The following CCSER1 variants were observed in gnomAD, a reference collection of about 807,000 sequenced individuals.
CCSER1 encodes the protein serine-rich coiled-coil domain-containing protein 1.
Under a neutral mutation model 82.0 loss-of-function variants are expected in CCSER1, and 41 were observed. The ratio of observed to expected loss-of-function variants is 0.50; its 90% CI spans 0.39 to 0.65. The LOEUF is 0.65. CCSER1 is among the 30% of genes least tolerant of loss of function. CCSER1 has a pLI of 0.00. For synonymous variants in CCSER1, 414 were observed against 383.9 expected (o/e 1.08, Z -0.92); for missense variants, 1,119 against 1,064.2 (o/e 1.05, Z -0.72).
At chr4:91,259,447 CAT>C (rs148329738) in intron 10 of CCSER1, among the ~76,000 whole-genome samples, 19 of 149,974 alleles carry the variant, frequency 1.3e-4, no homozygotes, top group Admixed American at 2.7e-4. Flanking sequence ...CCTTGGTAGT[CAT>C]ATATATATAT....
rs532346422 is a variant in CCSER1 at position 91,253,163 on chromosome 4, G to A, written c.2217+167169G>A. On this transcript the variant is annotated intron_variant, in intron 10 of 10. Transcript: ENST00000509176. ...CTGTTCCTCTTTCTCCTCCTGCTCA[G>A]CCTACTCAAAAGTGAAGACAATGAG... is the stretch of plus-strand genomic sequence containing the variant. 3.3e-5 allele frequency among the ~76,000 whole-genome samples: 5 copies of A among 152,048 alleles called. No individual in the cohort carries two copies. In the South Asian group the frequency reaches 1.0e-3, roughly 32 times the overall value.
At chr4:91,329,456 G>A (rs978088130) in intron 10 of CCSER1, among the ~76,000 whole-genome samples, 7 of 152,124 alleles carry the variant, frequency 4.6e-5, no homozygotes, top group African/African-American at 1.7e-4. Context: ...TTAAGTATGA[G>A]TTTCCCATAT....
chr4:90,944,081 A>G (rs1422086433), intron 9 of CCSER1, among the ~76,000 whole-genome samples: 1 of 151,670 alleles, frequency 6.6e-6, no homozygotes, highest in African/African-American at 2.4e-5. Context: ...TAAAATACAA[A>G]ACATGAGCTG....
intron 5 of CCSER1, among the ~76,000 whole-genome samples, chr4:90,541,331 A>G (rs1218906105): frequency 6.6e-6 from 1 of 152,092 alleles, no homozygotes; most frequent in Non-Finnish European, 1.5e-5. Flanking sequence ...GATTATAATA[A>G]TAACAGTGTT....
chr4:91,109,182 A>G (rs1035273309), intron 10 of CCSER1, among the ~76,000 whole-genome samples: 1 of 152,154 alleles, frequency 6.6e-6, no homozygotes, highest in African/African-American at 2.4e-5. Flanking sequence ...ACTAGGACTG[A>G]GCCATACTAT....
chr4:90,667,023 G>A (rs1731919901), intron 6 of CCSER1, among the ~76,000 whole-genome samples: 1 of 152,150 alleles, frequency 6.6e-6, no homozygotes, highest in Non-Finnish European at 1.5e-5. Flanking sequence ...AGAAAGTCAA[G>A]TTGTTGAAAA....
At chr4:90,893,003 T>C (rs976110688) in intron 8 of CCSER1, among the ~76,000 whole-genome samples, 1 of 152,136 alleles carries the variant, frequency 6.6e-6, no homozygotes, top group Non-Finnish European at 1.5e-5. Flanking sequence ...GTATATCTTT[T>C]GGACTAAACT....
intron 5 of CCSER1, among the ~76,000 whole-genome samples, chr4:90,483,636 T>C (rs1032539706): frequency 6.6e-6 from 1 of 152,214 alleles, no homozygotes; most frequent in African/African-American, 2.4e-5. Flanking sequence ...TTATGAAGCT[T>C]AGTTTGGCTG....
At chr4:91,353,298 T>C (rs1748601403) in intron 10 of CCSER1, among the ~76,000 whole-genome samples, 1 of 124,192 alleles carries the variant, frequency 8.1e-6, no homozygotes, top group African/African-American at 2.7e-5. Flanking sequence ...TCGTGATTGA[T>C]TTGGGCAAGC....
intron 1 of CCSER1, among the ~76,000 whole-genome samples, chr4:90,220,426 T>TC (rs1410514444): frequency 6.6e-6 from 1 of 152,116 alleles, no homozygotes; most frequent in Non-Finnish European, 1.5e-5. Context: ...TGTGATTTTT[T>TC]CCCCTGCACA....
chr4:90,910,112 GAGAA>G (rs912635690), intron 8 of CCSER1, among the ~76,000 whole-genome samples: 17 of 152,278 alleles, frequency 1.1e-4, no homozygotes, highest in African/African-American at 3.4e-4. Context: ...GACAGAGAGA[GAGAA>G]AGAGAGAGCA....
rs911397704 is a variant in CCSER1 at position 90,815,709 on chromosome 4, G to C, written c.2011-53G>C. On this transcript the variant is annotated intron_variant, in intron 7 of 10. Coordinates refer to ENST00000509176, the MANE Select transcript of CCSER1 (RefSeq NM_001145065.2). The stretch of plus-strand genomic sequence containing the variant: ...GTGTGAAGCTGACTTTCCTTATCAA[G>C]AGCAAAGTAAAAGGGCTAAGCCTAT... 9 of 1,311,872 alleles carry C rather than the reference G, an allele frequency of 6.9e-6. No individual in the cohort carries two copies. In the South Asian group the frequency reaches 7.4e-5, roughly 11 times the overall value. 81.3% of individuals were successfully genotyped at this position (1,311,872 alleles called of 1,614,324 possible). A position where few individuals can be genotyped will look rare whatever the true frequency, so the allele number is the denominator to read the frequency against.
chr4:91,207,286 C>T (rs957445605), intron 10 of CCSER1, among the ~76,000 whole-genome samples: 5 of 151,642 alleles, frequency 3.3e-5, no homozygotes, highest in Admixed American at 6.6e-5. Context: ...ACTTGGTGTA[C>T]GAATTATTTC....
At chr4:91,110,425 T>C (rs1725999489) in intron 10 of CCSER1, among the ~76,000 whole-genome samples, 1 of 152,052 alleles carries the variant, frequency 6.6e-6, no homozygotes, top group Admixed American at 6.5e-5. Context: ...TTTTAAATAC[T>C]GTTGTTTCTG....
intron 10 of CCSER1, among the ~76,000 whole-genome samples, chr4:91,123,169 G>C (rs1727234417): frequency 2.0e-5 from 3 of 151,644 alleles, no homozygotes; most frequent in African/African-American, 7.3e-5. Flanking sequence ...TACCCATGAA[G>C]TTTATTAACA....
At chr4:90,621,426 C>T (rs1722300533) in intron 5 of CCSER1, among the ~76,000 whole-genome samples, 1 of 150,562 alleles carries the variant, frequency 6.6e-6, no homozygotes, top group Non-Finnish European at 1.5e-5. Flanking sequence ...ATATTTTTTT[C>T]CTTTCAGAAA....
At chr4:90,559,654 C>T (rs402391) in intron 5 of CCSER1, among the ~76,000 whole-genome samples, 1 of 151,680 alleles carries the variant, frequency 6.6e-6, no homozygotes, top group East Asian at 2.0e-4. Context: ...AACCCTGTTT[C>T]TACATAAAAT....
chr4:91,591,408 A>ATTAATATATGTATT (rs1764265525), intron 10 of CCSER1, among the ~76,000 whole-genome samples: 1 of 152,054 alleles, frequency 6.6e-6, no homozygotes, highest in Admixed American at 6.6e-5. Flanking sequence ...AATTAATTAA[A>ATTAATATATGTATT]TTAATATATG....
chr4:91,158,567 G>C (rs1251633808), intron 10 of CCSER1, among the ~76,000 whole-genome samples: 1 of 151,748 alleles, frequency 6.6e-6, no homozygotes, highest in Admixed American at 6.6e-5. Flanking sequence ...ACTTTTCTAC[G>C]ATATTCAATG....
Sources: gnomAD v4.1 joint callset for allele counts (sites outside exome capture counted in the v4.1 genomes callset) on GRCh38, gnomAD v4.1.1 for gene constraint, MANE v1.5 for transcripts, NCBI Gene and HGNC (gene_info 2026-07-23, HGNC 2026-07-21) for gene names.